The following PLCB1 variants were observed in gnomAD, a reference collection of about 807,000 sequenced individuals.
The protein encoded by PLCB1 is phospholipase C beta 1, also known as 1-phosphatidylinositol 4,5-bisphosphate phosphodiesterase beta-1.
PLCB1 carries 46 observed loss-of-function variants against 161.8 expected under a neutral mutation model. That is an observed-to-expected ratio of 0.28 (90% CI 0.22 to 0.36). The LOEUF (loss-of-function observed/expected upper bound fraction) is 0.36, where lower values mean the gene tolerates loss of function less well. PLCB1 is among the 10% of genes least tolerant of loss of function. The pLI, the probability that PLCB1 is intolerant of heterozygous loss-of-function variation, is 1.00. For missense variants in PLCB1, 1,016 were observed against 1,472.5 expected (o/e 0.69, Z 5.07); for synonymous variants, 517 against 503.7 (o/e 1.03, Z -0.35).
intron 9 of PLCB1, among the ~76,000 whole-genome samples, chr20:8,662,730 G>C (rs1989713726): frequency 6.6e-6 from 1 of 151,552 alleles, no homozygotes; most frequent in South Asian, 2.1e-4. Flanking sequence ...ACTGGGTGAG[G>C]CAGAAGATGC....
intron 14 of PLCB1, among the ~76,000 whole-genome samples, chr20:8,719,684 C>G (rs1979519551): frequency 6.6e-6 from 1 of 152,134 alleles, no homozygotes; most frequent in East Asian, 1.9e-4. Context: ...CAAGAGCCTT[C>G]TAGAGATTGG....
intron 2 of PLCB1, among the ~76,000 whole-genome samples, chr20:8,154,917 T>C (rs971650407): frequency 6.6e-6 from 1 of 152,206 alleles, no homozygotes; most frequent in Non-Finnish European, 1.5e-5. Context: ...TAAGTTTTCA[T>C]GTAGTTACAT....
chr20:8,867,666 G>C lies in PLCB1; in HGVS notation c.3424-13956G>C, dbSNP rs138837604. Among the ~76,000 whole-genome samples the C allele has an allele frequency of 5.3e-5, 8 of 152,262 alleles. No homozygotes were observed. The East Asian group carries it at 1.5e-3, about 29-fold the overall frequency. ...CTCCTCATGTGCGGCTAAATCAGAA[G>C]CTACAAAGTAGTGACTTGCAGACTC... On this transcript the variant is annotated intron_variant, in intron 31 of 31. Coordinates refer to ENST00000338037, the MANE Select transcript of PLCB1 (RefSeq NM_015192.4).
At chr20:8,512,279 T>C (rs747763636) in intron 3 of PLCB1, among the ~76,000 whole-genome samples, 4 of 152,192 alleles carry the variant, frequency 2.6e-5, no homozygotes, top group African/African-American at 7.2e-5. Flanking sequence ...AAGCTTTAAA[T>C]AAGGCAATAT....
At chr20:8,193,431 A>AGAG (rs1277545629) in intron 2 of PLCB1, among the ~76,000 whole-genome samples, 2 of 152,002 alleles carry the variant, frequency 1.3e-5, no homozygotes, top group African/African-American at 4.8e-5. Flanking sequence ...GAGAAGAAAA[A>AGAG]GAGGAGGAGG....
intron 2 of PLCB1, among the ~76,000 whole-genome samples, chr20:8,204,631 T>C (rs1183724819): frequency 6.6e-6 from 1 of 152,024 alleles, no homozygotes; most frequent in Admixed American, 6.6e-5. Flanking sequence ...TCCACCATGA[T>C]TGAAAGCTCC....
chr20:8,192,877 C>A lies in PLCB1; in HGVS notation c.177+42506C>A, dbSNP rs1328151810. 2.0e-5 allele frequency among the ~76,000 whole-genome samples: 3 copies of A among 151,870 alleles called. No individual in the cohort carries two copies. The South Asian group carries it at 6.2e-4, about 31-fold the overall frequency. On this transcript the variant is annotated intron_variant, in intron 2 of 31. Transcript: ENST00000338037. The stretch of plus-strand genomic sequence containing the variant: ...TGTCAGGGATTTCCAGTTTCCAGTT[C>A]TCATGAAACAGGATGGGGGCTAAAG...
intron 2 of PLCB1, among the ~76,000 whole-genome samples, chr20:8,189,973 A>C (rs1476346847): frequency 6.6e-6 from 1 of 152,128 alleles, no homozygotes; most frequent in Non-Finnish European, 1.5e-5. Flanking sequence ...ATTTAAGGTT[A>C]TGATATGAAA....
At position 8,881,926 on chromosome 20, in the gene PLCB1, C is replaced by T. The variant is rs903502895; in HGVS notation, c.*77C>T. On this transcript the variant is annotated 3_prime_UTR_variant, in exon 32 of 32. Coordinates refer to ENST00000338037, the MANE Select transcript of PLCB1 (RefSeq NM_015192.4). ...CTCTCTCTTATTACAAAGATCACTG[C>T]CCAGGACCATCTTCCCGAGAAGCAT... 7.5e-6 allele frequency: 7 copies of T among 939,092 alleles called. No homozygotes were observed. The African/African-American group carries it at 1.1e-4, about 15-fold the overall frequency. The allele number at this position is 939,092 out of a possible 1,614,324, so 58.2% of individuals were successfully genotyped here. A position where few individuals can be genotyped will look rare whatever the true frequency, so the allele number is the denominator to read the frequency against.
chr20:8,345,332 G>C lies in PLCB1; in HGVS notation c.178-26050G>C, dbSNP rs774744109. Among the ~76,000 whole-genome samples, 4 of 152,230 alleles carry C rather than the reference G, an allele frequency of 2.6e-5. No individual in the cohort carries two copies. In the East Asian group the frequency reaches 7.7e-4, roughly 29 times the overall value. On this transcript the variant is annotated intron_variant, in intron 2 of 31. Coordinates refer to ENST00000338037, the MANE Select transcript of PLCB1 (RefSeq NM_015192.4). Reference sequence around the variant, plus strand: ...TAGTGTTTAAGTCAGGGGACAAGCCGGGGGTTTAGAACATTGATGTCCTCA... The same window carrying C: ...TAGTGTTTAAGTCAGGGGACAAGCCCGGGGTTTAGAACATTGATGTCCTCA...
chr20:8,818,942 C>CAAAA (rs59427171), intron 31 of PLCB1, among the ~76,000 whole-genome samples: 1 of 66,964 alleles, frequency 1.5e-5, no homozygotes. Context: ...GACTCAGTCT[C>CAAAA]AAAAAAAAAA....
intron 31 of PLCB1, among the ~76,000 whole-genome samples, chr20:8,825,293 G>T (rs1985638789): frequency 6.6e-6 from 1 of 152,186 alleles, no homozygotes; most frequent in African/African-American, 2.4e-5. Flanking sequence ...CATGGTGCCA[G>T]GAAAACCCAG....
At chr20:8,548,917 A>G (rs889535451) in intron 3 of PLCB1, among the ~76,000 whole-genome samples, 4 of 152,208 alleles carry the variant, frequency 2.6e-5, no homozygotes, top group South Asian at 2.1e-4. Context: ...TAAGCTATTT[A>G]ACATTTCCCA....
intron 3 of PLCB1, among the ~76,000 whole-genome samples, chr20:8,531,915 T>A (rs1984831676): frequency 6.6e-6 from 1 of 152,018 alleles, no homozygotes. Flanking sequence ...TTTAATTTCT[T>A]TTGATTACAT....
chr20:8,152,374 G>A (rs2051517846), intron 2 of PLCB1, among the ~76,000 whole-genome samples: 1 of 152,100 alleles, frequency 6.6e-6, no homozygotes, highest in African/African-American at 2.4e-5. Flanking sequence ...ACCAGTAAGA[G>A]TGATTCATCC....
intron 2 of PLCB1, among the ~76,000 whole-genome samples, chr20:8,270,627 A>G (rs553342823): frequency 6.6e-4 from 101 of 152,270 alleles, no homozygotes; most frequent in African/African-American, 2.2e-3. Context: ...TTAATCTGAA[A>G]AAAATAGGAA....
intron 2 of PLCB1, among the ~76,000 whole-genome samples, chr20:8,179,442 T>C (rs555295376): frequency 3.2e-4 from 48 of 152,256 alleles, no homozygotes; most frequent in Admixed American, 3.0e-3. Context: ...AGCATTGATA[T>C]TGTTGGTGTA....
intron 31 of PLCB1, among the ~76,000 whole-genome samples, chr20:8,859,717 C>G (rs1440318856): frequency 6.6e-6 from 1 of 151,986 alleles, no homozygotes; most frequent in Admixed American, 6.6e-5. Context: ...AGGGTAGACT[C>G]TAGCTTGGGG....
intron 1 of PLCB1, among the ~76,000 whole-genome samples, chr20:8,141,707 A>G (rs2051405713): frequency 6.6e-6 from 1 of 152,024 alleles, no homozygotes; most frequent in African/African-American, 2.4e-5. Context: ...GCGTGGAAAC[A>G]TGCATGTGGA....
Sources: gnomAD v4.1 joint callset for allele counts (sites outside exome capture counted in the v4.1 genomes callset) on GRCh38, gnomAD v4.1.1 for gene constraint, MANE v1.5 for transcripts, NCBI Gene and HGNC (gene_info 2026-07-23, HGNC 2026-07-21) for gene names.